PRKD1: variants seen among roughly 807,000 people sequenced by gnomAD.
The protein encoded by PRKD1 is protein kinase D1, also known as serine/threonine-protein kinase D1.
A neutral mutation model predicts 95.9 loss-of-function variants in PRKD1; 63 were observed. The ratio of observed to expected loss-of-function variants is 0.66; its 90% CI spans 0.54 to 0.81. The LOEUF (loss-of-function observed/expected upper bound fraction) is 0.81. PRKD1 is among the 30% of genes least tolerant of loss of function. The pLI, the probability that PRKD1 is intolerant of heterozygous loss-of-function variation, is 0.00. For synonymous variants in PRKD1, 425 were observed against 423.1 expected (o/e 1.00, Z -0.05); for missense variants, 1,048 against 1,165.3 (o/e 0.90, Z 1.47).
chr14:29,577,068 T>C lies in PRKD1; in HGVS notation c.*170A>G, dbSNP rs780243295. On this transcript the variant is annotated 3_prime_UTR_variant, in exon 18 of 18. Coordinates refer to ENST00000331968, the MANE Select transcript of PRKD1 (RefSeq NM_002742.3). ...CACAGTTGGTCACACAAAATACAAA[T>C]GCTTCTGTTGATTTGTCTTGGCAAC... 24 of 697,332 alleles carry C rather than the reference T, an allele frequency of 3.4e-5. No individual in the cohort carries two copies. Among genetic ancestry groups the C allele is most frequent in the Non-Finnish European group, 5.7e-5 (24 of 422,836 alleles). The allele number at this position is 697,332 out of a possible 1,614,324, so 43.2% of individuals were successfully genotyped here.
At chr14:29,793,288 A>C (rs1374059523) in intron 1 of PRKD1, among the ~76,000 whole-genome samples, 1 of 152,064 alleles carries the variant, frequency 6.6e-6, no homozygotes, top group Admixed American at 6.6e-5. Flanking sequence ...TGACAAAAAA[A>C]AAATGTCCAC....
chr14:29,852,778 C>T lies in PRKD1; in HGVS notation c.264+74471G>A, dbSNP rs544043493. On this transcript the variant is annotated intron_variant, in intron 1 of 17. Coordinates refer to ENST00000331968, the MANE Select transcript of PRKD1 (RefSeq NM_002742.3). ...AAAAAGAAATTTAAATGTTTCACTT[C>T]AAAAAAGGATCAATGAAACACAAAG... 7.0e-4 allele frequency among the ~76,000 whole-genome samples: 107 copies of T among 151,898 alleles called. 1 individual carries two copies. The highest frequency in any genetic ancestry group is 2.5e-3 in the African/African-American group (105 of 41,454).
In PRKD1 at chr14:29,599,776, A is replaced by C. The variant is rs565275870; in HGVS notation, c.1947T>G (p.Phe649Leu). Residue 649 changes from phenylalanine to leucine, a missense_variant, in exon 14 of 18, where the codon TTT becomes TTG. This residue lies in a region of PRKD1 where 739 missense variants were observed against 861.9 expected (regional missense o/e 0.86). Coordinates refer to ENST00000331968, the MANE Select transcript of PRKD1 (RefSeq NM_002742.3). ...HPGVVNLECM[F>L]ETPERVFVVM... is the part of the protein sequence containing the mutation. ...CAACAAACACTCTTTCAGGCGTCTC[A>C]AACATACACTCCAAATTTACAACAC... The C allele has an allele frequency of 1.8e-5, 29 of 1,613,142 alleles. No homozygotes were observed. In the Admixed American group the frequency reaches 4.8e-4, roughly 27 times the overall value.
chr14:29,827,320 A>G (rs778227059), intron 1 of PRKD1, among the ~76,000 whole-genome samples: 30 of 152,088 alleles, frequency 2.0e-4, no homozygotes, highest in Non-Finnish European at 3.1e-4. Context: ...AATCCTAAGA[A>G]TTCAGTGAGG....
chr14:29,638,211 G>C (rs1594384733), intron 6 of PRKD1: 1 of 431,700 alleles, frequency 2.3e-6, no homozygotes, highest in East Asian at 3.7e-5. Flanking sequence ...ACTAGGATAA[G>C]AATATAAGAT....
chr14:29,811,030 G>C (rs1890462122), intron 1 of PRKD1, among the ~76,000 whole-genome samples: 1 of 152,176 alleles, frequency 6.6e-6, no homozygotes, highest in Non-Finnish European at 1.5e-5. Flanking sequence ...ATGATGCAGT[G>C]AAAACAAGTG....
chr14:29,884,669 A>G (rs1566653912), intron 1 of PRKD1, among the ~76,000 whole-genome samples: 2 of 152,232 alleles, frequency 1.3e-5, no homozygotes, highest in Non-Finnish European at 2.9e-5. Flanking sequence ...CATATCATGG[A>G]CTTCGATCAG....
intron 1 of PRKD1, among the ~76,000 whole-genome samples, chr14:29,849,262 G>A (rs1015072788): frequency 2.0e-5 from 3 of 152,086 alleles, no homozygotes; most frequent in Non-Finnish European, 2.9e-5. Context: ...GTGAAGACAT[G>A]CGTGCCCGCT....
intron 1 of PRKD1, among the ~76,000 whole-genome samples, chr14:29,912,108 TC>T (rs1433249098): frequency 6.6e-6 from 1 of 152,186 alleles, no homozygotes; most frequent in East Asian, 1.9e-4. Flanking sequence ...AGGAGAACTG[TC>T]CACTTTTAAG....
intron 1 of PRKD1, among the ~76,000 whole-genome samples, chr14:29,897,173 G>A (rs1374713095): frequency 6.6e-6 from 1 of 151,404 alleles, no homozygotes; most frequent in African/African-American, 2.4e-5. Context: ...ACCATATATC[G>A]TGGACATCTT....
chr14:29,604,212 A>G (rs1893624989), intron 13 of PRKD1, among the ~76,000 whole-genome samples: 1 of 152,198 alleles, frequency 6.6e-6, no homozygotes, highest in Non-Finnish European at 1.5e-5. Context: ...TCTAAGTACT[A>G]ATATTCTTTA....
chr14:29,778,206 C>T (rs1000624604), intron 1 of PRKD1, among the ~76,000 whole-genome samples: 2 of 152,232 alleles, frequency 1.3e-5, no homozygotes, highest in East Asian at 3.9e-4. Context: ...AATTGACACC[C>T]TAACATCACA....
At chr14:29,819,879 G>A (rs1890843155) in intron 1 of PRKD1, among the ~76,000 whole-genome samples, 1 of 152,020 alleles carries the variant, frequency 6.6e-6, no homozygotes, top group Non-Finnish European at 1.5e-5. Context: ...AAACACTATT[G>A]ACCTGAACCA....
chr14:29,587,193 C>T (rs570161028), intron 16 of PRKD1, among the ~76,000 whole-genome samples: 14 of 151,892 alleles, frequency 9.2e-5, no homozygotes, highest in Non-Finnish European at 1.5e-4. Flanking sequence ...GTTTTGGGGT[C>T]AAATTAAAAA....
At chr14:29,627,971 G>A (rs1879736548) in intron 11 of PRKD1, among the ~76,000 whole-genome samples, 1 of 152,174 alleles carries the variant, frequency 6.6e-6, no homozygotes, top group Non-Finnish European at 1.5e-5. Context: ...ATCTTCAGTG[G>A]ACAACAGTGG....
intron 1 of PRKD1, among the ~76,000 whole-genome samples, chr14:29,853,403 C>T (rs567234467): frequency 6.6e-6 from 1 of 152,214 alleles, no homozygotes; most frequent in African/African-American, 2.4e-5. Context: ...AAACTAAAGC[C>T]CACAAAATAA....
intron 1 of PRKD1, among the ~76,000 whole-genome samples, chr14:29,789,477 T>G (rs1440386465): frequency 6.6e-6 from 1 of 152,154 alleles, no homozygotes; most frequent in Non-Finnish European, 1.5e-5. Flanking sequence ...TGTGTTGGTA[T>G]AGTGTGTTTA....
intron 1 of PRKD1, among the ~76,000 whole-genome samples, chr14:29,817,193 T>A (rs1890727497): frequency 6.6e-6 from 1 of 152,194 alleles, no homozygotes; most frequent in South Asian, 2.1e-4. Context: ...AGAACTACAG[T>A]GGGCTTCTGC....
intron 1 of PRKD1, among the ~76,000 whole-genome samples, chr14:29,910,422 G>A (rs1354987049): frequency 2.0e-5 from 3 of 152,218 alleles, no homozygotes; most frequent in East Asian, 1.9e-4. Flanking sequence ...CACTCAACGC[G>A]AGGGTCCGTG....
Sources: allele counts gnomAD v4.1 joint callset (sites outside exome capture counted in the v4.1 genomes callset), GRCh38; gene constraint gnomAD v4.1.1; regional missense constraint gnomAD v4.1.1; transcripts MANE v1.5; gene names NCBI Gene and HGNC (gene_info 2026-07-23, HGNC 2026-07-21).